Variants in R3HDM2 observed in about 807,000 individuals in gnomAD.
R3HDM2 encodes R3H domain-containing protein 2.
In R3HDM2, 38 loss-of-function variants were observed where a neutral mutation model predicts 124.5. The observed-to-expected ratio is 0.31, with a 90% confidence interval of 0.24 to 0.40. The LOEUF (loss-of-function observed/expected upper bound fraction) is 0.40. R3HDM2 is among the 10% of genes least tolerant of loss of function. R3HDM2 has a pLI of 1.00. For missense variants in R3HDM2, 869 were observed against 1,236.9 expected (o/e 0.70, Z 4.46); for synonymous variants, 391 against 448.0 (o/e 0.87, Z 1.61).
intron 3 of R3HDM2, among the ~76,000 whole-genome samples, chr12:57,307,536 G>C (rs2052918242): frequency 6.6e-6 from 1 of 151,786 alleles, no homozygotes; most frequent in African/African-American, 2.4e-5. Flanking sequence ...GGCCAGGCTG[G>C]TCTCGAACTC....
At chr12:57,304,431 G>C (rs1028457631) in intron 3 of R3HDM2, 1 of 855,954 alleles carries the variant, frequency 1.2e-6, no homozygotes, top group African/African-American at 1.8e-5. Flanking sequence ...GGGAACTGAG[G>C]CAGGAGGATA....
chr12:57,360,466 C>G (rs1172811665), intron 2 of R3HDM2, among the ~76,000 whole-genome samples: 1 of 151,984 alleles, frequency 6.6e-6, no homozygotes, highest in Non-Finnish European at 1.5e-5. Context: ...AGACCCCCAT[C>G]TCTAAAAAAA....
At chr12:57,338,343 A>G (rs2059133168) in intron 2 of R3HDM2, among the ~76,000 whole-genome samples, 2 of 122,172 alleles carry the variant, frequency 1.6e-5, no homozygotes, top group Admixed American at 1.8e-4. Context: ...GCACAATTAT[A>G]GAGAAGAAAA....
intron 1 of R3HDM2, among the ~76,000 whole-genome samples, chr12:57,397,859 GC>G (rs1027340659): frequency 1.3e-5 from 2 of 152,146 alleles, no homozygotes; most frequent in African/African-American, 4.8e-5. Flanking sequence ...TGACTTTCTT[GC>G]CCTAATTGTA....
intron 1 of R3HDM2, among the ~76,000 whole-genome samples, chr12:57,420,245 C>T (rs1289844096): frequency 6.6e-6 from 1 of 152,172 alleles, no homozygotes; most frequent in African/African-American, 2.4e-5. Flanking sequence ...CTCTTCCTTG[C>T]ACATTCCCTC....
intron 1 of R3HDM2, among the ~76,000 whole-genome samples, chr12:57,422,645 G>T (rs1284176744): frequency 6.6e-6 from 1 of 152,096 alleles, no homozygotes; most frequent in Non-Finnish European, 1.5e-5. Flanking sequence ...ACGAGAGATA[G>T]GGAGAATACA....
chr12:57,315,158 C>A (rs1273781164), intron 2 of R3HDM2, among the ~76,000 whole-genome samples: 1 of 152,108 alleles, frequency 6.6e-6, no homozygotes. Context: ...CTGCCTCACC[C>A]TCCCAAGTAG....
chr12:57,268,818 C>T (rs1036608553), intron 17 of R3HDM2, 104 bp downstream of exon 17: 6 of 1,356,444 alleles, frequency 4.4e-6, no homozygotes, highest in African/African-American at 4.4e-5. Flanking sequence ...GGAAAGTAGA[C>T]ACTATTTTAG....
intron 2 of R3HDM2, among the ~76,000 whole-genome samples, chr12:57,345,866 C>T (rs939079999): frequency 1.3e-5 from 2 of 152,084 alleles, no homozygotes; most frequent in African/African-American, 2.4e-5. Flanking sequence ...TATCAAAAAC[C>T]AGGAGAATGA....
chr12:57,357,644 ATTTTTT>A (rs35477289), intron 2 of R3HDM2, among the ~76,000 whole-genome samples: 3 of 127,442 alleles, frequency 2.4e-5, no homozygotes, highest in Non-Finnish European at 3.3e-5. Flanking sequence ...AGTTTTGCTG[ATTTTTT>A]TTTTTTTTTT....
At chr12:57,294,504 G>A (rs2049310027) in intron 10 of R3HDM2, among the ~76,000 whole-genome samples, 1 of 152,084 alleles carries the variant, frequency 6.6e-6, no homozygotes, top group Non-Finnish European at 1.5e-5. Context: ...AAATACTCAA[G>A]CAGCAAGCAG....
chr12:57,368,811 A>T (rs1188998970), intron 2 of R3HDM2, among the ~76,000 whole-genome samples: 1 of 152,150 alleles, frequency 6.6e-6, no homozygotes, highest in African/African-American at 2.4e-5. Context: ...AGCTTTAGTG[A>T]GTTCTGTGAG....
chr12:57,296,309 C>T lies in R3HDM2; in HGVS notation c.701+102G>A, dbSNP rs372268590. The T allele has an allele frequency of 2.6e-5, 36 of 1,362,648 alleles. No individual in the cohort carries two copies. The highest frequency in any genetic ancestry group is 2.1e-4 in the Middle Eastern group (1 of 4,698). 84.4% of individuals were successfully genotyped at this position (1,362,648 alleles called of 1,614,324 possible). On this transcript the variant is annotated intron_variant, in intron 9 of 23. Transcript: ENST00000402412. This position sits in a 1 kb window ranked among gnomAD's most constrained non-coding sequence, Gnocchi z 4.5. Reference sequence around the variant, plus strand: ...CTGGGATTACAGGTGTGAGCCACCACGCCTGGCCATCTGCAAGAGACATCC... The same window carrying T: ...CTGGGATTACAGGTGTGAGCCACCATGCCTGGCCATCTGCAAGAGACATCC...
intron 2 of R3HDM2, among the ~76,000 whole-genome samples, chr12:57,337,145 G>GTT (rs1163355097): frequency 6.8e-6 from 1 of 147,482 alleles, no homozygotes; most frequent in African/African-American, 2.5e-5. Flanking sequence ...TCTTTTTGTT[G>GTT]TTGTTGTTGT....
chr12:57,388,447 G>T (rs1356088741), intron 2 of R3HDM2, among the ~76,000 whole-genome samples: 1 of 152,210 alleles, frequency 6.6e-6, no homozygotes, highest in South Asian at 2.1e-4. Flanking sequence ...AAGTCAGCAA[G>T]AGAAGAACTG....
intron 19 of R3HDM2, among the ~76,000 whole-genome samples, chr12:57,265,865 C>T (rs1224640766): frequency 2.7e-5 from 4 of 149,212 alleles, no homozygotes; most frequent in Admixed American, 6.7e-5. Context: ...GGCGCGATCT[C>T]GGCTCACTGC....
intron 2 of R3HDM2, among the ~76,000 whole-genome samples, chr12:57,328,035 T>C (rs564744054): frequency 6.6e-6 from 1 of 152,140 alleles, no homozygotes; most frequent in East Asian, 1.9e-4. Context: ...ACATCTTTCA[T>C]GAAAGGAACA....
chr12:57,390,297 T>C (rs767933396), intron 2 of R3HDM2, among the ~76,000 whole-genome samples: 1 of 152,218 alleles, frequency 6.6e-6, no homozygotes, highest in Non-Finnish European at 1.5e-5. Context: ...AGGTGAGTCC[T>C]GTGATTATCC....
At chr12:57,289,161 G>T in intron 11 of R3HDM2, 121 bp from the exon 12 acceptor site, 1 of 911,022 alleles carries the variant, frequency 1.1e-6, no homozygotes, top group Non-Finnish European at 1.8e-6. Flanking sequence ...CCCACCAACA[G>T]GGAGAGAGGG....
Sources: gnomAD v4.1 joint callset for allele counts (sites outside exome capture counted in the v4.1 genomes callset) on GRCh38, gnomAD v4.1.1 for gene constraint, Gnocchi (gnomAD v3.1) non-coding constraint, MANE v1.5 for transcripts, NCBI Gene and HGNC (gene_info 2026-07-23, HGNC 2026-07-21) for gene names.